TMEM132D: variants seen among roughly 807,000 people sequenced by gnomAD.
The protein encoded by TMEM132D is transmembrane protein 132D, also known as mature OL transmembrane protein.
TMEM132D carries 21 observed loss-of-function variants against 62.3 expected under a neutral mutation model. That is an observed-to-expected ratio of 0.34 (90% CI 0.24 to 0.49). The LOEUF (loss-of-function observed/expected upper bound fraction) is 0.49, where lower values mean the gene tolerates loss of function less well. Among genes scored for constraint, TMEM132D ranks in the 20% least tolerant of loss-of-function variants. TMEM132D has a pLI of 0.99. For missense variants in TMEM132D, 1,346 were observed against 1,402.8 expected (o/e 0.96, Z 0.65); for synonymous variants, 621 against 575.6 (o/e 1.08, Z -1.13).
intron 4 of TMEM132D, among the ~76,000 whole-genome samples, chr12:129,256,242 A>G (rs1006599342): frequency 2.6e-5 from 4 of 151,882 alleles, no homozygotes; most frequent in Non-Finnish European, 5.9e-5. Flanking sequence ...CATCATGTCC[A>G]TTTGTTAGTT....
chr12:129,440,489 A>G (rs541724439), intron 3 of TMEM132D, among the ~76,000 whole-genome samples: 2 of 152,322 alleles, frequency 1.3e-5, no homozygotes, highest in Non-Finnish European at 2.9e-5. Context: ...GGAGGCAAAT[A>G]AGATCTTAAA....
intron 5 of TMEM132D, among the ~76,000 whole-genome samples, chr12:129,143,458 A>G (rs1876801377): frequency 6.6e-6 from 1 of 152,158 alleles, no homozygotes; most frequent in African/African-American, 2.4e-5. Context: ...CGATATCAGC[A>G]TTCCTTCTCC....
At chr12:129,428,986 A>AATC (rs1872573770) in intron 3 of TMEM132D, among the ~76,000 whole-genome samples, 1 of 152,198 alleles carries the variant, frequency 6.6e-6, no homozygotes, top group African/African-American at 2.4e-5. Flanking sequence ...TGTAGTCCAC[A>AATC]ATCCTTCAAG....
At chr12:129,602,208 G>A (rs7958996) in intron 2 of TMEM132D, among the ~76,000 whole-genome samples, 40,051 of 151,980 alleles carry the variant, frequency 0.26, 6,459 homozygotes, top group Non-Finnish European at 0.35. Flanking sequence ...AAACTAGACC[G>A]CCTGTATGCA....
intron 3 of TMEM132D, among the ~76,000 whole-genome samples, chr12:129,487,377 T>C (rs1407620527): frequency 6.6e-6 from 1 of 152,198 alleles, no homozygotes; most frequent in Admixed American, 6.5e-5. Context: ...GGACAAGATG[T>C]AATTTAAGTT....
intron 4 of TMEM132D, among the ~76,000 whole-genome samples, chr12:129,309,135 C>T (rs1015777829): frequency 6.6e-6 from 1 of 152,200 alleles, no homozygotes; most frequent in Non-Finnish European, 1.5e-5. Flanking sequence ...TCAAAGGTCA[C>T]TTATGTAGTT....
chr12:129,551,062 C>T (rs1020718112), intron 2 of TMEM132D, among the ~76,000 whole-genome samples: 3 of 152,194 alleles, frequency 2.0e-5, no homozygotes, highest in African/African-American at 7.2e-5. Flanking sequence ...GAAACCCCAA[C>T]GGGGGTCCCA....
At chr12:129,836,146 T>C (rs183169791) in intron 1 of TMEM132D, among the ~76,000 whole-genome samples, 1 of 152,352 alleles carries the variant, frequency 6.6e-6, no homozygotes, top group East Asian at 1.9e-4. Context: ...ATGTTTCATA[T>C]GGAGTGTGAG....
intron 2 of TMEM132D, among the ~76,000 whole-genome samples, chr12:129,560,337 T>C (rs1877183401): frequency 6.6e-6 from 1 of 151,156 alleles, no homozygotes; most frequent in African/African-American, 2.4e-5. Context: ...TGGCACGATC[T>C]CGGCTCACCA....
At position 129,277,742 on chromosome 12, in the gene TMEM132D, G is replaced by A. The variant is rs756873135; in HGVS notation, c.1299+59892C>T. Among the ~76,000 whole-genome samples the A allele has an allele frequency of 6.6e-6, 1 of 152,140 alleles. No individual in the cohort carries two copies. The highest frequency in any genetic ancestry group is 1.5e-5 in the Non-Finnish European group (1 of 68,020). Reference sequence around the variant, plus strand: ...TATGAAGAAAAAAACAACTTTTCCAGGAAGCCTCATAGATTCTCCGGAAGC... The same window carrying A: ...TATGAAGAAAAAAACAACTTTTCCAAGAAGCCTCATAGATTCTCCGGAAGC... On this transcript the variant is annotated intron_variant, in intron 4 of 8. Coordinates refer to ENST00000422113, the MANE Select transcript of TMEM132D (RefSeq NM_133448.3). This position sits in a 1 kb window ranked among gnomAD's most constrained non-coding sequence, Gnocchi z 4.2.
At chr12:129,324,031 C>CT (rs1489048918) in intron 4 of TMEM132D, among the ~76,000 whole-genome samples, 1 of 151,770 alleles carries the variant, frequency 6.6e-6, no homozygotes, top group African/African-American at 2.4e-5. Context: ...TGAGGATTTT[C>CT]TTTTTTTCAA....
chr12:129,230,624 G>T (rs1879613466), intron 4 of TMEM132D, among the ~76,000 whole-genome samples: 1 of 152,202 alleles, frequency 6.6e-6, no homozygotes, highest in African/African-American at 2.4e-5. Context: ...CCTAGAAGAT[G>T]ATCTCATCCA....
chr12:129,769,217 G>A (rs749023766), intron 1 of TMEM132D, among the ~76,000 whole-genome samples: 2 of 152,172 alleles, frequency 1.3e-5, no homozygotes, highest in Non-Finnish European at 2.9e-5. Flanking sequence ...AGACATACCT[G>A]AGACTGGCTA....
intron 3 of TMEM132D, among the ~76,000 whole-genome samples, chr12:129,467,114 C>G (rs1174682513): frequency 1.3e-5 from 2 of 152,038 alleles, no homozygotes; most frequent in Non-Finnish European, 2.9e-5. Context: ...TAATTAAAGT[C>G]CAACAGATAA....
chr12:129,577,496 T>C (rs1215878647), intron 2 of TMEM132D, among the ~76,000 whole-genome samples: 14 of 151,186 alleles, frequency 9.3e-5, no homozygotes, highest in Non-Finnish European at 2.9e-5. Flanking sequence ...TACATTTCTT[T>C]TGACTATAAA....
intron 3 of TMEM132D, among the ~76,000 whole-genome samples, chr12:129,445,463 T>A (rs1261876230): frequency 6.6e-6 from 1 of 152,092 alleles, no homozygotes; most frequent in African/African-American, 2.4e-5. Context: ...TCAAATTAAG[T>A]TAAATTTTAT....
chr12:129,804,424 A>T (rs929050278), intron 1 of TMEM132D, among the ~76,000 whole-genome samples: 4 of 138,456 alleles, frequency 2.9e-5, no homozygotes, highest in Non-Finnish European at 6.2e-5. Flanking sequence ...ATATAAACAG[A>T]GCCAAAGACA....
intron 5 of TMEM132D, among the ~76,000 whole-genome samples, chr12:129,144,791 C>G (rs1212014278): frequency 6.6e-6 from 1 of 152,156 alleles, no homozygotes; most frequent in Non-Finnish European, 1.5e-5. Context: ...ACCTAACTAC[C>G]TGTCATTCAC....
intron 2 of TMEM132D, among the ~76,000 whole-genome samples, chr12:129,557,919 TTTAA>T (rs1877108221): frequency 6.6e-6 from 1 of 152,222 alleles, no homozygotes; most frequent in South Asian, 2.1e-4. Context: ...GAGATTTCCT[TTTAA>T]TTATATTCAG....
Sources: allele counts gnomAD v4.1 joint callset (sites outside exome capture counted in the v4.1 genomes callset), GRCh38; gene constraint gnomAD v4.1.1; non-coding constraint Gnocchi (gnomAD v3.1); transcripts MANE v1.5; gene names NCBI Gene and HGNC (gene_info 2026-07-23, HGNC 2026-07-21).